ABCC9: variants seen among roughly 807,000 people sequenced by gnomAD.
ABCC9 encodes ATP binding cassette subfamily C member 9.
ABCC9 carries 95 observed loss-of-function variants against 188.3 expected under a neutral mutation model. The ratio of observed to expected loss-of-function variants is 0.50; its 90% CI spans 0.43 to 0.60. ABCC9 has a LOEUF of 0.60. ABCC9 is among the 20% of genes least tolerant of loss of function. ABCC9 has a pLI of 0.00. For missense variants in ABCC9, 1,102 were observed against 1,876.3 expected, an observed-to-expected ratio of 0.59 and a Z score of 7.62; for synonymous variants, 659 against 652.7, an observed-to-expected ratio of 1.01 and a Z score of -0.15.
chr12:21,801,374 C>A (rs575760950), intron 39 of ABCC9, among the ~76,000 whole-genome samples, 193 bp from the exon 40 acceptor site: 1 of 152,060 alleles, frequency 6.6e-6, no homozygotes, highest in African/African-American at 2.4e-5. Flanking sequence ...TAAGCAATGG[C>A]CAATATGGCT....
At chr12:21,887,569 G>T (rs556860759) in intron 15 of ABCC9, among the ~76,000 whole-genome samples, 2 of 152,220 alleles carry the variant, frequency 1.3e-5, no homozygotes, top group African/African-American at 4.8e-5. Flanking sequence ...TTTGGAGTAA[G>T]CAAACTCTCA....
chr12:21,887,391 T>G (rs779524344), intron 15 of ABCC9, among the ~76,000 whole-genome samples: 1 of 152,144 alleles, frequency 6.6e-6, no homozygotes, highest in Non-Finnish European at 1.5e-5. Flanking sequence ...AGAGACAATG[T>G]AATGTAATTC....
At chr12:21,860,702 T>A (rs1453478034) in intron 21 of ABCC9, among the ~76,000 whole-genome samples, 2 of 152,160 alleles carry the variant, frequency 1.3e-5, no homozygotes, top group Non-Finnish European at 2.9e-5. Context: ...ATGCATTTGG[T>A]CAAAGCCAGG....
At chr12:21,883,416 C>T (rs1946719572) in intron 15 of ABCC9, among the ~76,000 whole-genome samples, 1 of 152,196 alleles carries the variant, frequency 6.6e-6, no homozygotes, top group Admixed American at 6.5e-5. Flanking sequence ...GCTCTCATGC[C>T]TGCCACCATG....
At chr12:21,860,920 A>T (rs1945471280) in intron 21 of ABCC9, 51 bp downstream of exon 21, 1 of 1,369,444 alleles carries the variant, frequency 7.3e-7, no homozygotes, top group South Asian at 1.2e-5. Flanking sequence ...GACAACCAGA[A>T]GACTTTTCTA....
In ABCC9 at chr12:21,912,857, T is replaced by A; in HGVS notation, c.1011+15A>T. The A allele has an allele frequency of 6.2e-7, 1 of 1,611,424 alleles. No homozygotes were observed. ...ATCAATAATATGTTTCCATTGAAAA[T>A]CACCAGGAACTTACTCCAGTTGTGT... On this transcript the variant is annotated intron_variant, in intron 8 of 39. Coordinates refer to ENST00000261200, the MANE Select transcript of ABCC9 (RefSeq NM_020297.4).
At chr12:21,895,127 C>T (rs1274106208) in intron 13 of ABCC9, 148 bp downstream of exon 13, 1 of 688,658 alleles carries the variant, frequency 1.5e-6, no homozygotes, top group East Asian at 2.8e-5. Context: ...CTGAGAAACC[C>T]TGGATTAGAA....
chr12:21,822,121 A>G (rs1943071226), intron 31 of ABCC9, among the ~76,000 whole-genome samples: 1 of 152,196 alleles, frequency 6.6e-6, no homozygotes, highest in Non-Finnish European at 1.5e-5. Flanking sequence ...AAAATCTACA[A>G]TCAACTAAAT....
chr12:21,824,616 G>T (rs1943254443), intron 31 of ABCC9, among the ~76,000 whole-genome samples: 1 of 152,132 alleles, frequency 6.6e-6, no homozygotes, highest in Non-Finnish European at 1.5e-5. Context: ...GAATCCATCT[G>T]GTCCTGGGCT....
intron 34 of ABCC9, among the ~76,000 whole-genome samples, chr12:21,815,529 A>G (rs1307774806): frequency 6.6e-6 from 1 of 152,140 alleles, no homozygotes; most frequent in Non-Finnish European, 1.5e-5. Flanking sequence ...AAACATGCCT[A>G]TTGTTGACTT....
At chr12:21,864,547 G>C (rs1332716817) in intron 18 of ABCC9, 70 bp from the exon 19 acceptor site, 1 of 1,070,604 alleles carries the variant, frequency 9.3e-7, no homozygotes, top group Non-Finnish European at 1.5e-6. Context: ...ATACACGTCA[G>C]GTAAGAGATA....
chr12:21,845,261 G>C (rs1292698939), intron 26 of ABCC9, among the ~76,000 whole-genome samples: 8 of 151,908 alleles, frequency 5.3e-5, no homozygotes, highest in African/African-American at 1.9e-4. Flanking sequence ...ACTGATGTAG[G>C]TAGTTAACAT....
At chr12:21,867,065 C>T (rs184840428) in intron 18 of ABCC9, among the ~76,000 whole-genome samples, 34 of 151,874 alleles carry the variant, frequency 2.2e-4, no homozygotes, top group Admixed American at 2.0e-3. Flanking sequence ...GAAGGATTTA[C>T]GTATATTTTC....
At chr12:21,933,678 A>C (rs1421437994) in intron 4 of ABCC9, 104 bp downstream of exon 4, 1 of 1,410,142 alleles carries the variant, frequency 7.1e-7, no homozygotes, top group East Asian at 2.3e-5. Context: ...GAGAGCAAAA[A>C]ATATAAAGCA....
At chr12:21,837,387 T>A (rs1944157487) in intron 30 of ABCC9, among the ~76,000 whole-genome samples, 1 of 152,120 alleles carries the variant, frequency 6.6e-6, no homozygotes, top group Admixed American at 6.6e-5. Flanking sequence ...GTTAGAAAAA[T>A]CTCTGGTTAA....
intron 25 of ABCC9, 71 bp downstream of exon 25, chr12:21,848,079 A>T: frequency 7.6e-7 from 1 of 1,322,918 alleles, no homozygotes. Context: ...TCATGGAGAC[A>T]CTCACACATA....
intron 30 of ABCC9, among the ~76,000 whole-genome samples, chr12:21,831,531 T>C (rs1943758832): frequency 6.6e-6 from 1 of 151,950 alleles, no homozygotes; most frequent in Admixed American, 6.6e-5. Context: ...ATAAGGATCT[T>C]ATGCACAAAA....
chr12:21,908,858 C>T (rs1367088451), intron 10 of ABCC9, among the ~76,000 whole-genome samples: 1 of 151,946 alleles, frequency 6.6e-6, no homozygotes, highest in East Asian at 1.9e-4. Context: ...TCAGACCTGT[C>T]CTCTCTGGTT....
At chr12:21,836,569 C>A (rs1944110973) in intron 30 of ABCC9, among the ~76,000 whole-genome samples, 1 of 152,038 alleles carries the variant, frequency 6.6e-6, no homozygotes, top group South Asian at 2.1e-4. Flanking sequence ...AGAGTGCTAC[C>A]CTGCTCTCTG....
Sources: gnomAD v4.1 joint callset for allele counts (sites outside exome capture counted in the v4.1 genomes callset) on GRCh38, gnomAD v4.1.1 for gene constraint, MANE v1.5 for transcripts, NCBI Gene and HGNC (gene_info 2026-07-23, HGNC 2026-07-21) for gene names.